RTL4: variants seen among roughly 807,000 people sequenced by gnomAD.
The protein encoded by RTL4 is retrotransposon Gag-like protein 4.
Under a neutral mutation model 5.3 loss-of-function variants are expected in RTL4, and 4 were observed. The ratio of observed to expected loss-of-function variants is 0.75; its 90% CI spans 0.37 to 1.72. RTL4 has a LOEUF of 1.72. RTL4 is among the 40% of genes most tolerant of loss of function. The pLI is 0.04. For missense variants in RTL4, 260 were observed against 227.1 expected, an observed-to-expected ratio of 1.14 and a Z score of -0.93; for synonymous variants, 98 against 87.3, an observed-to-expected ratio of 1.12 and a Z score of -0.68.
chrX:112,091,703 G>T, the RTL4 span, among the ~76,000 whole-genome samples: 1 of 110,719 alleles, frequency 9.0e-6, no homozygotes, highest in African/African-American at 3.3e-5. Flanking sequence ...TAAAAATAAT[G>T]TTTATTCTGC....
At chrX:112,394,276 T>C in the RTL4 span, among the ~76,000 whole-genome samples, 1 of 111,662 alleles carries the variant, frequency 9.0e-6, no homozygotes, top group South Asian at 3.8e-4. Flanking sequence ...TGCATGTACC[T>C]GAATGTTTCA....
At chrX:112,270,122 C>G in the RTL4 span, among the ~76,000 whole-genome samples, 1 of 112,212 alleles carries the variant, frequency 8.9e-6, no homozygotes, top group Non-Finnish European at 1.9e-5. Flanking sequence ...GAAAAACTCT[C>G]TGTTGGGAAA....
At chrX:112,237,769 T>G in the RTL4 span, among the ~76,000 whole-genome samples, 1 of 112,211 alleles carries the variant, frequency 8.9e-6, no homozygotes, top group Non-Finnish European at 1.9e-5. Flanking sequence ...CAACAATATT[T>G]GCTCAGCACC....
At chrX:112,291,751 CAG>C in the RTL4 span, among the ~76,000 whole-genome samples, 1 of 110,880 alleles carries the variant, frequency 9.0e-6, no homozygotes, top group Non-Finnish European at 1.9e-5. Context: ...CGCCCGCCAC[CAG>C]GCCAGCCAAT....
chrX:112,249,542 G>A, the RTL4 span, among the ~76,000 whole-genome samples: 1 of 110,842 alleles, frequency 9.0e-6, no homozygotes, highest in East Asian at 2.8e-4. Context: ...ATCAGCATGG[G>A]CCTCATTCAG....
At chrX:112,237,050 G>A in the RTL4 span, among the ~76,000 whole-genome samples, 60 of 111,276 alleles carry the variant, frequency 5.4e-4, no homozygotes, top group African/African-American at 1.9e-3. Flanking sequence ...CTAGAAGCAG[G>A]AAAAAGCAAG....
chrX:112,117,846 A>C, the RTL4 span, among the ~76,000 whole-genome samples: 2 of 111,924 alleles, frequency 1.8e-5, no homozygotes, highest in African/African-American at 3.2e-5. Flanking sequence ...CCAAGGAAAT[A>C]ATTCTATAAA....
the RTL4 span, among the ~76,000 whole-genome samples, chrX:112,292,321 T>C: frequency 8.9e-6 from 1 of 111,824 alleles, no homozygotes; most frequent in African/African-American, 3.3e-5. Context: ...GCTTTGCTTT[T>C]GTTTTGTTCC....
At chrX:112,123,647 G>A in the RTL4 span, among the ~76,000 whole-genome samples, 1 of 111,613 alleles carries the variant, frequency 9.0e-6, no homozygotes, top group Non-Finnish European at 1.9e-5. Context: ...TATTTCTGAG[G>A]TCTGTGTTCT....
At chrX:112,367,747 C>T in the RTL4 span, among the ~76,000 whole-genome samples, 9 of 111,528 alleles carry the variant, frequency 8.1e-5, no homozygotes, top group East Asian at 2.8e-4. Context: ...GACAAGGGAA[C>T]GAGCAATTAA....
At chrX:112,422,523 G>A in the RTL4 span, among the ~76,000 whole-genome samples, 1 of 110,544 alleles carries the variant, frequency 9.0e-6, no homozygotes, top group Non-Finnish European at 1.9e-5. Flanking sequence ...TCCTTCCCTG[G>A]TCTTATCTTT....
the RTL4 span, among the ~76,000 whole-genome samples, chrX:112,297,925 C>T: frequency 3.6e-5 from 4 of 111,893 alleles, no homozygotes; most frequent in South Asian, 1.5e-3. Context: ...TGACTAGACT[C>T]TGGGTTTCTT....
the RTL4 span, among the ~76,000 whole-genome samples, chrX:112,193,190 C>T: frequency 8.1e-5 from 9 of 111,114 alleles, no homozygotes; most frequent in Non-Finnish European, 1.5e-4. Flanking sequence ...TTACGGGGTA[C>T]ATTTGATATT....
chrX:112,188,496 G>C, the RTL4 span, among the ~76,000 whole-genome samples: 1 of 111,764 alleles, frequency 8.9e-6, no homozygotes, highest in African/African-American at 3.3e-5. Flanking sequence ...TGATGAAAAA[G>C]GAAAGTCTGG....
the RTL4 span, among the ~76,000 whole-genome samples, chrX:112,256,778 T>A: frequency 8.9e-6 from 1 of 111,983 alleles, no homozygotes; most frequent in African/African-American, 3.2e-5. Flanking sequence ...GATAGTTTGT[T>A]TATTGTAAAT....
At chrX:112,202,469 G>A in the RTL4 span, among the ~76,000 whole-genome samples, 2 of 109,883 alleles carry the variant, frequency 1.8e-5, no homozygotes, top group Non-Finnish European at 3.8e-5. Context: ...TGAATTTTTA[G>A]TTATCTGAGA....
At chrX:112,258,896 C>A in the RTL4 span, among the ~76,000 whole-genome samples, 1 of 110,882 alleles carries the variant, frequency 9.0e-6, no homozygotes, top group Non-Finnish European at 1.9e-5. Context: ...AGGAGTCAGC[C>A]AATTATACCA....
At chrX:112,176,088 GACAA>G in the RTL4 span, among the ~76,000 whole-genome samples, 1 of 110,667 alleles carries the variant, frequency 9.0e-6, no homozygotes, top group East Asian at 2.8e-4. Flanking sequence ...ACCAATAACA[GACAA>G]ACAGAGAGCC....
the RTL4 span, among the ~76,000 whole-genome samples, chrX:112,375,941 A>G: frequency 8.9e-6 from 1 of 111,742 alleles, no homozygotes; most frequent in African/African-American, 3.3e-5. Flanking sequence ...CTGAGCCCTG[A>G]TCTATATAAT....
Sources: gnomAD v4.1 joint callset for allele counts (sites outside exome capture counted in the v4.1 genomes callset) on GRCh38, gnomAD v4.1.1 for gene constraint, MANE v1.5 for transcripts, NCBI Gene and HGNC (gene_info 2026-07-23, HGNC 2026-07-21) for gene names.